The following ADGRL2 variants were observed in gnomAD, a reference collection of about 807,000 sequenced individuals.
ADGRL2 encodes adhesion G protein-coupled receptor L2, also known as calcium-independent alpha-latrotoxin receptor 2.
In ADGRL2, 44 loss-of-function variants were observed where a neutral mutation model predicts 157.4. The observed-to-expected ratio is 0.28, with a 90% CI of 0.22 to 0.36. The LOEUF (loss-of-function observed/expected upper bound fraction) is 0.36, where lower values mean the gene tolerates loss of function less well. Ranked by LOEUF, ADGRL2 falls within the 10% of genes least tolerant of loss-of-function variation. The pLI is 1.00. For missense variants in ADGRL2, 1,510 were observed against 1,768.9 expected (o/e 0.85, Z 2.63); for synonymous variants, 585 against 624.7 (o/e 0.94, Z 0.95).
At chr1:81,441,030 C>A (rs1203197852) in intron 1 of ADGRL2, among the ~76,000 whole-genome samples, 1 of 148,790 alleles carries the variant, frequency 6.7e-6, no homozygotes, top group Non-Finnish European at 1.5e-5. Flanking sequence ...TTCTCTCTCT[C>A]CCTCTCTCAA....
rs2077427558 is a variant in ADGRL2 at position 81,437,339 on chromosome 1, C to T, written c.-301-7697C>T. ...CTAGGCAAACAGCAACTGGTTTAGT[C>T]TCATAAATTTACATGTCCTAAGTAG... is the stretch of plus-strand genomic sequence containing the variant. On this transcript the variant is annotated intron_variant, in intron 1 of 24. Coordinates refer to the ADGRL2 transcript ENST00000370721. Among the ~76,000 whole-genome samples, 3 of 152,218 alleles carry T rather than the reference C, an allele frequency of 2.0e-5. No individual in the cohort carries two copies. The South Asian group carries it at 6.2e-4, about 32-fold the overall frequency.
intron 2 of ADGRL2, among the ~76,000 whole-genome samples, chr1:81,897,897 T>C (rs2151559980): frequency 6.6e-6 from 1 of 152,324 alleles, no homozygotes; most frequent in African/African-American, 2.4e-5. Flanking sequence ...AGAAAAAATT[T>C]TTTTGAAGTA....
intron 3 of ADGRL2, among the ~76,000 whole-genome samples, chr1:81,928,225 T>A (rs2095153135): frequency 6.6e-6 from 1 of 152,132 alleles, no homozygotes; most frequent in Non-Finnish European, 1.5e-5. Context: ...AGCTAAATAC[T>A]TATCCCGCCT....
chr1:81,782,663 C>G (rs956309347), intron 2 of ADGRL2, among the ~76,000 whole-genome samples: 2 of 152,152 alleles, frequency 1.3e-5, no homozygotes, highest in African/African-American at 4.8e-5. Context: ...GTCTTTATCT[C>G]CACTTCCCCA....
intron 3 of ADGRL2, among the ~76,000 whole-genome samples, chr1:81,630,435 C>G (rs2081989988): frequency 6.6e-6 from 1 of 152,110 alleles, no homozygotes; most frequent in Non-Finnish European, 1.5e-5. Flanking sequence ...GAGTCTGAAC[C>G]AATCTCATAG....
intron 11 of ADGRL2, among the ~76,000 whole-genome samples, chr1:81,964,701 G>A (rs1417785382): frequency 6.6e-6 from 1 of 151,958 alleles, no homozygotes; most frequent in Non-Finnish European, 1.5e-5. Flanking sequence ...AAATAAAAAG[G>A]GGATTGTAGG....
chr1:81,968,277 TTG>T, intron 14 of ADGRL2, 78 bp downstream of exon 14: 1 of 1,219,966 alleles, frequency 8.2e-7, no homozygotes, highest in Non-Finnish European at 1.2e-6. Context: ...GTCCCATTCT[TTG>T]GGTGCTTACC....
At chr1:81,400,855 C>T (rs891591972) in intron 1 of ADGRL2, among the ~76,000 whole-genome samples, 1 of 152,058 alleles carries the variant, frequency 6.6e-6, no homozygotes, top group Non-Finnish European at 1.5e-5. Context: ...GTTATTTGGC[C>T]TTTAGGGTGT....
intron 1 of ADGRL2, among the ~76,000 whole-genome samples, chr1:81,430,883 T>C (rs1024532744): frequency 2.6e-5 from 4 of 152,216 alleles, no homozygotes; most frequent in Non-Finnish European, 5.9e-5. Context: ...TTTGATTTGT[T>C]TACTAATTTT....
rs148209743 is a variant in ADGRL2 at position 81,881,087 on chromosome 1, G to A, written c.74-25930G>A. On this transcript the variant is annotated intron_variant, in intron 2 of 23. Transcript: ENST00000686636. ...AATTATATATTGTTATGAATGGTAGGGGAATTGGTAGATCTGGGACTCAAA... is the reference window on the plus strand; with the variant it reads ...AATTATATATTGTTATGAATGGTAGAGGAATTGGTAGATCTGGGACTCAAA... Among the ~76,000 whole-genome samples the A allele has an allele frequency of 7.4e-4, 113 of 152,232 alleles. 3 individuals are homozygous for A. The East Asian group carries it at 0.021, about 28-fold the overall frequency.
At chr1:81,383,963 A>AAAAAAAAG (rs759285295) in intron 1 of ADGRL2, among the ~76,000 whole-genome samples, 1 of 150,128 alleles carries the variant, frequency 6.7e-6, no homozygotes, top group Non-Finnish European at 1.5e-5. Flanking sequence ...CAAAAAAAAA[A>AAAAAAAAG]AAAAGAAAAG....
intron 12 of ADGRL2, 39 bp downstream of exon 12, chr1:81,966,222 GT>G (rs1657001375): frequency 6.2e-7 from 1 of 1,612,302 alleles, no homozygotes; most frequent in South Asian, 1.1e-5. Flanking sequence ...AGTTTTTGTT[GT>G]TGTTCAAAAA....
At chr1:81,758,541 A>C (rs1178497206) in intron 1 of ADGRL2, among the ~76,000 whole-genome samples, 3 of 152,170 alleles carry the variant, frequency 2.0e-5, no homozygotes. Flanking sequence ...TGCTGTTTGC[A>C]GTTCATTGCT....
chr1:81,333,401 TAATTAATTA>T (rs1223559351), intron 1 of ADGRL2, among the ~76,000 whole-genome samples: 2 of 151,164 alleles, frequency 1.3e-5, no homozygotes, highest in African/African-American at 4.9e-5. Context: ...TTTAATTAAT[TAATTAATTA>T]ATTTATTTAT....
At chr1:81,917,754 CT>C (rs2094890642) in intron 3 of ADGRL2, among the ~76,000 whole-genome samples, 1 of 152,044 alleles carries the variant, frequency 6.6e-6, no homozygotes, top group Non-Finnish European at 1.5e-5. Flanking sequence ...TTCCAGTGGT[CT>C]TTCTGTTTGT....
At chr1:81,969,541 T>A (rs1658116317) in intron 15 of ADGRL2, among the ~76,000 whole-genome samples, 154 bp downstream of exon 15, 1 of 152,210 alleles carries the variant, frequency 6.6e-6, no homozygotes, top group Non-Finnish European at 1.5e-5. Context: ...ATTAAAAGAC[T>A]GTCCAATTAT....
chr1:81,719,024 C>G (rs2084209817), intron 1 of ADGRL2, among the ~76,000 whole-genome samples: 1 of 152,176 alleles, frequency 6.6e-6, no homozygotes, highest in Admixed American at 6.5e-5. Flanking sequence ...GACAGGATTT[C>G]AGATTTTTTA....
Position 81,868,101 on chromosome 1 carries a change from A to G in ADGRL2, c.73+31044A>G, listed in dbSNP as rs1249833609. Among the ~76,000 whole-genome samples, 4 of 136,296 alleles carry G rather than the reference A, an allele frequency of 2.9e-5. No homozygotes were observed. In the East Asian group the frequency reaches 8.3e-4, roughly 28 times the overall value. The allele number at this position is 136,296 out of a possible 152,430, so 89.4% of individuals were successfully genotyped here. On this transcript the variant is annotated intron_variant, in intron 2 of 23. Coordinates refer to ENST00000686636, the MANE Select transcript of ADGRL2 (RefSeq NM_001366006.2). ...TGTGTGTGTGTGTGTGTGTGATAAA[A>G]ATTATTTTCCTTTTACATTGAAGAG... is the stretch of plus-strand genomic sequence containing the variant.
At chr1:81,836,061 A>T (rs1292242021) in intron 1 of ADGRL2, among the ~76,000 whole-genome samples, 1 of 151,982 alleles carries the variant, frequency 6.6e-6, no homozygotes, top group Non-Finnish European at 1.5e-5. Flanking sequence ...TTATCAGGAA[A>T]ATTTTGTTTT....
Sources: allele counts gnomAD v4.1 joint callset (sites outside exome capture counted in the v4.1 genomes callset), GRCh38; gene constraint gnomAD v4.1.1; transcripts MANE v1.5; gene names NCBI Gene and HGNC (gene_info 2026-07-23, HGNC 2026-07-21).